Variants in CNOT1 observed in about 807,000 individuals in gnomAD.
CNOT1 encodes the protein CCR4-NOT transcription complex subunit 1.
A neutral mutation model predicts 273.8 loss-of-function variants in CNOT1; 15 were observed. That is an observed-to-expected ratio of 0.05 (90% confidence interval 0.04 to 0.08). The LOEUF (loss-of-function observed/expected upper bound fraction) is 0.08. Among genes scored for constraint, CNOT1 ranks in the 10% least tolerant of loss-of-function variants. CNOT1 has a pLI of 1.00. For missense variants in CNOT1, 1,644 were observed against 2,912.2 expected, an observed-to-expected ratio of 0.56 and a Z score of 10.02; for synonymous variants, 1,022 against 1,005.5, an observed-to-expected ratio of 1.02 and a Z score of -0.31.
chr16:58,566,307 C>A (rs2151951190), intron 16 of CNOT1, among the ~76,000 whole-genome samples: 1 of 152,324 alleles, frequency 6.6e-6, no homozygotes, highest in Non-Finnish European at 1.5e-5. Flanking sequence ...GTTGAAATAA[C>A]TTTCCTTCTC....
At position 58,560,293 on chromosome 16, in the gene CNOT1, C is replaced by T. The variant is rs1400124901; in HGVS notation, c.2049G>A (p.Lys683=). ...TAACTCCAGGTGGTGGTTGTCTGGC[C>T]TTATTCATAACATTACTGCAATTGG... ...MVANCSNVMN[K]ARQPPPGVMP... Residue 683 remains lysine (K), a synonymous_variant, in exon 17 of 49, where the codon AAG becomes AAA. Transcript: ENST00000317147. The T allele has an allele frequency of 6.2e-7, 1 of 1,614,136 alleles. No homozygotes were observed. Among genetic ancestry groups the T allele is most frequent in the South Asian group, 1.1e-5 (1 of 91,086 alleles).
In CNOT1 at chr16:58,587,420, C is replaced by T; in HGVS notation, c.310-7G>A. The T allele has an allele frequency of 6.2e-7, 1 of 1,611,710 alleles. No homozygotes were observed. Among genetic ancestry groups the T allele is most frequent in the Non-Finnish European group, 8.5e-7 (1 of 1,179,662 alleles). On this transcript the variant is annotated splice_region_variant and splice_polypyrimidine_tract_variant and intron_variant, in intron 4 of 48. Transcript: ENST00000317147. ...GGGGTGCAGGCTTTAAACTCTGAAACAAACCAAATTTTAGTTTAAAATAAG... is the reference window on the plus strand; with the variant it reads ...GGGGTGCAGGCTTTAAACTCTGAAATAAACCAAATTTTAGTTTAAAATAAG...
chr16:58,618,354 T>C (rs2043170695), intron 1 of CNOT1, among the ~76,000 whole-genome samples: 1 of 151,910 alleles, frequency 6.6e-6, no homozygotes, highest in African/African-American at 2.4e-5. Flanking sequence ...GAGGCTGAAG[T>C]GGATGGATCA....
chr16:58,564,910 T>C (rs537937811), intron 16 of CNOT1, among the ~76,000 whole-genome samples: 10 of 152,144 alleles, frequency 6.6e-5, no homozygotes, highest in South Asian at 2.1e-4. Context: ...CACCCCAGCC[T>C]GGGTAACAAG....
chr16:58,523,251 A>C, intron 47 of CNOT1, 119 bp downstream of exon 47: 1 of 1,145,842 alleles, frequency 8.7e-7, no homozygotes, highest in Non-Finnish European at 1.2e-6. Flanking sequence ...TCTCAAAAAA[A>C]CAAAAAAAAA....
intron 16 of CNOT1, among the ~76,000 whole-genome samples, chr16:58,574,305 C>A (rs2041387776): frequency 6.6e-6 from 1 of 151,750 alleles, no homozygotes; most frequent in South Asian, 2.1e-4. Flanking sequence ...CTAACCCATG[C>A]ACTATGGGCA....
At chr16:58,539,494 G>GAC (rs2040020212) in intron 35 of CNOT1, among the ~76,000 whole-genome samples, 1 of 49,638 alleles carries the variant, frequency 2.0e-5, no homozygotes, top group Non-Finnish European at 4.5e-5. Context: ...CACACACACA[G>GAC]ACACACACAC....
In CNOT1 at chr16:58,555,315, G is replaced by A; in HGVS notation, c.2827C>T (p.Arg943Cys). The A allele has an allele frequency of 6.2e-7, 1 of 1,614,154 alleles. No individual in the cohort carries two copies. The highest frequency in any genetic ancestry group is 8.5e-7 in the Non-Finnish European group (1 of 1,180,032). The stretch of plus-strand genomic sequence containing the variant: ...TACATTTTGGATCCAAAAGGCTTGC[G>A]TAAGGCTTCAAGAACATATCGTAGA... ...LALRYVLEAL[R>C]KPFGSKMYYF... Residue 943 changes from arginine to cysteine, a missense_variant, in exon 21 of 49, where the codon CGC becomes TGC. Physicochemically the swap from Arg to Cys is radical, Grantham distance 180 (BLOSUM62 -3). Coordinates refer to ENST00000317147, the MANE Select transcript of CNOT1 (RefSeq NM_016284.5).
chr16:58,574,260 C>CAAG (rs2041386046), intron 16 of CNOT1, among the ~76,000 whole-genome samples: 1 of 151,862 alleles, frequency 6.6e-6, no homozygotes, highest in Non-Finnish European at 1.5e-5. Flanking sequence ...TAGTCGACAG[C>CAAG]AAGACCTTGC....
In CNOT1 at chr16:58,557,008, G is replaced by A. The variant is rs763311663; in HGVS notation, c.2333-15C>T. ...AAGACCACCTACTAGAGAGAACGAAGGCAGCCACAAATCCTATCATTATTC... is the reference window on the plus strand; with the variant it reads ...AAGACCACCTACTAGAGAGAACGAAAGCAGCCACAAATCCTATCATTATTC... On this transcript the variant is annotated splice_polypyrimidine_tract_variant and intron_variant, in intron 18 of 48. Coordinates refer to ENST00000317147, the MANE Select transcript of CNOT1 (RefSeq NM_016284.5). The A allele has an allele frequency of 6.2e-7, 1 of 1,610,996 alleles. No individual in the cohort carries two copies. Among genetic ancestry groups the A allele is most frequent in the South Asian group, 1.1e-5 (1 of 90,558 alleles).
chr16:58,583,186 A>C lies in CNOT1; in HGVS notation c.807-4T>G, dbSNP rs943877576. The C allele has an allele frequency of 6.2e-7, 1 of 1,612,890 alleles. No homozygotes were observed. Among genetic ancestry groups the C allele is most frequent in the Non-Finnish European group, 8.5e-7 (1 of 1,179,670 alleles). ...TATATTGCGACATTCTTCAATACTGAAACAGAAATATAACTTCAGAAAAAT... is the reference window on the plus strand; with the variant it reads ...TATATTGCGACATTCTTCAATACTGCAACAGAAATATAACTTCAGAAAAAT... On this transcript the variant is annotated splice_region_variant and splice_polypyrimidine_tract_variant and intron_variant, in intron 8 of 48. Transcript: ENST00000317147.
rs548028157 is a variant in CNOT1, at chr16:58,581,280, T to C, written c.1215+65A>G. On this transcript the variant is annotated intron_variant, in intron 11 of 48. Transcript: ENST00000317147. The stretch of plus-strand genomic sequence containing the variant: ...AAGAATATTTCGATCAATGGGTAGA[T>C]GGCACTACATAAAGAATAAGTCATG... 4.1e-5 allele frequency: 62 copies of C among 1,504,798 alleles called. No individual in the cohort carries two copies. In the African/African-American group the frequency reaches 7.7e-4, roughly 19 times the overall value. The allele number at this position is 1,504,798 out of a possible 1,614,324, so 93.2% of individuals were successfully genotyped here.
In CNOT1 at chr16:58,574,598, G is replaced by C. The variant is rs551916163; in HGVS notation, c.1979+11C>G. On this transcript the variant is annotated intron_variant, in intron 16 of 48. Transcript: ENST00000317147. Reference sequence around the variant, plus strand: ...TTCAAAAAAAGTCATATTCATGTATGTACTTCTTACCCTGCACAAGCTTGC... The same window carrying C: ...TTCAAAAAAAGTCATATTCATGTATCTACTTCTTACCCTGCACAAGCTTGC... 8 of 1,567,706 alleles carry C rather than the reference G, an allele frequency of 5.1e-6. No individual in the cohort carries two copies. The South Asian group carries it at 7.2e-5, about 14-fold the overall frequency.
chr16:58,583,353 T>C (rs941977027), intron 8 of CNOT1, among the ~76,000 whole-genome samples, 171 bp from the exon 9 acceptor site: 1 of 152,148 alleles, frequency 6.6e-6, no homozygotes, highest in South Asian at 2.1e-4. Flanking sequence ...GTAAAAACCA[T>C]CTACTTCAGT....
chr16:58,549,011 G>A (rs373881452), intron 25 of CNOT1, among the ~76,000 whole-genome samples: 6 of 152,262 alleles, frequency 3.9e-5, no homozygotes, highest in East Asian at 1.9e-4. Flanking sequence ...AGGACTGGCC[G>A]GGCACAGTGG....
At chr16:58,578,504 T>A (rs1157814963) in intron 13 of CNOT1, among the ~76,000 whole-genome samples, 195 bp downstream of exon 13, 1 of 151,670 alleles carries the variant, frequency 6.6e-6, no homozygotes, top group Non-Finnish European at 1.5e-5. Context: ...TTATTTTGCC[T>A]CCTTGCTTTT....
chr16:58,546,427 T>G lies in CNOT1; in HGVS notation c.3900A>C (p.Gly1300=), dbSNP rs2040258450. Residue 1300 remains glycine (G), a synonymous_variant, in exon 29 of 49, where the codon GGA becomes GGC. Coordinates refer to ENST00000317147, the MANE Select transcript of CNOT1 (RefSeq NM_016284.5). ...GGCGATCTTTATCCTTTAGGAGGTT[T>G]CCAGGTTTTAGCTCATTGATGTCTA... ...LALDINELKP[G]NLLKDKDRLK... 6.2e-7 allele frequency: 1 copy of G among 1,613,914 alleles called. No homozygotes were observed. Among genetic ancestry groups the G allele is most frequent in the Non-Finnish European group, 8.5e-7 (1 of 1,179,964 alleles).
At chr16:58,559,508 T>C (rs1217089146) in intron 17 of CNOT1, among the ~76,000 whole-genome samples, 1 of 152,172 alleles carries the variant, frequency 6.6e-6, no homozygotes, top group Non-Finnish European at 1.5e-5. Context: ...TGGGGGAAGA[T>C]CAGCTCCAAT....
Position 58,551,622 on chromosome 16 carries a change from C to T in CNOT1, c.3168G>A (p.Arg1056=). ...TTVAKTVTVT[R]PTGVSFKKDV... is the part of the protein sequence containing the mutation. ...CTTTCTTAAAGCTGACTCCAGTTGG[C>T]CTGGTGACCGTAACCGTTTTAGCAA... Residue 1056 remains arginine (R), a synonymous_variant, in exon 23 of 49, where the codon AGG becomes AGA. Coordinates refer to ENST00000317147, the MANE Select transcript of CNOT1 (RefSeq NM_016284.5). The T allele has an allele frequency of 1.9e-6, 3 of 1,614,140 alleles. No homozygotes were observed. Among genetic ancestry groups the T allele is most frequent in the Non-Finnish European group, 1.7e-6 (2 of 1,180,008 alleles).
Sources: allele counts gnomAD v4.1 joint callset (sites outside exome capture counted in the v4.1 genomes callset), GRCh38; gene constraint gnomAD v4.1.1; transcripts MANE v1.5; gene names NCBI Gene and HGNC (gene_info 2026-07-23, HGNC 2026-07-21).